The following AK5 variants were observed in gnomAD, a reference collection of about 807,000 sequenced individuals.
The protein encoded by AK5 is adenylate kinase 5.
AK5 carries 27 observed loss-of-function variants against 69.5 expected under a neutral mutation model. The observed-to-expected ratio is 0.39, with a 90% CI of 0.29 to 0.54. AK5 has a LOEUF of 0.54. Ranked by LOEUF, AK5 falls within the 20% of genes least tolerant of loss-of-function variation. The probability of loss-of-function intolerance (pLI) is 0.71; values close to 1 mark genes in which losing one functional copy is unlikely to be tolerated. For synonymous variants in AK5, 260 were observed against 244.4 expected (o/e 1.06, Z -0.60); for missense variants, 531 against 700.4 (o/e 0.76, Z 2.73).
In AK5 at chr1:77,536,035, C is replaced by T; in HGVS notation, c.1617C>T (p.His539=). 6.2e-7 allele frequency: 1 copy of T among 1,606,776 alleles called. No homozygotes were observed. Among genetic ancestry groups the T allele is most frequent in the Non-Finnish European group, 8.5e-7 (1 of 1,177,466 alleles). Residue 539 remains histidine (H), a synonymous_variant, in exon 13 of 14, where the codon CAC becomes CAT. Transcript: ENST00000354567. ...IAYYETKTQL[H]KINAEGTPED... is the part of the protein sequence containing the mutation. ...ACTACGAGACAAAAACACAGCTACA[C>T]AAGGCGAGTCACTTCACTTTCTCCT...
At chr1:77,387,315 A>G (rs1030878850) in intron 6 of AK5, among the ~76,000 whole-genome samples, 22 of 152,234 alleles carry the variant, frequency 1.4e-4, no homozygotes, top group Admixed American at 2.0e-4. Flanking sequence ...GGCAATGGAA[A>G]GGAGGAATAT....
chr1:77,327,648 T>C (rs532067904), intron 5 of AK5, among the ~76,000 whole-genome samples: 4 of 152,346 alleles, frequency 2.6e-5, no homozygotes, highest in African/African-American at 9.6e-5. Flanking sequence ...CCCACAGGTG[T>C]AGAAACAGCT....
At chr1:77,299,067 T>C (rs1278182797) in intron 5 of AK5, among the ~76,000 whole-genome samples, 3 of 152,158 alleles carry the variant, frequency 2.0e-5, no homozygotes, top group Non-Finnish European at 2.9e-5. Context: ...GCATTCTAAA[T>C]TTTTATAATG....
intron 7 of AK5, among the ~76,000 whole-genome samples, chr1:77,411,966 A>G (rs1216000632): frequency 1.3e-5 from 2 of 152,226 alleles, no homozygotes; most frequent in Non-Finnish European, 2.9e-5. Context: ...TATTGCAAGA[A>G]AGATGAAATA....
At chr1:77,540,981 A>T (rs1338703260) in intron 13 of AK5, among the ~76,000 whole-genome samples, 1 of 151,878 alleles carries the variant, frequency 6.6e-6, no homozygotes, top group East Asian at 1.9e-4. Flanking sequence ...ATCTTGGCTC[A>T]CTGCAACCTC....
intron 6 of AK5, among the ~76,000 whole-genome samples, chr1:77,376,656 T>C (rs553836003): frequency 6.6e-6 from 1 of 152,174 alleles, no homozygotes; most frequent in African/African-American, 2.4e-5. Context: ...AATACAGAAG[T>C]CTGGCCAGGC....
intron 11 of AK5, among the ~76,000 whole-genome samples, chr1:77,520,450 C>G (rs1376172584): frequency 6.6e-6 from 1 of 152,230 alleles, no homozygotes; most frequent in Non-Finnish European, 1.5e-5. Context: ...GCCTCCAGCT[C>G]CCTCTCCAGT....
At chr1:77,541,631 G>A (rs1158437050) in intron 13 of AK5, among the ~76,000 whole-genome samples, 1 of 152,202 alleles carries the variant, frequency 6.6e-6, no homozygotes, top group Admixed American at 6.5e-5. Context: ...TATAAGGTTA[G>A]AAGACTCAAG....
In AK5 at chr1:77,486,337, AT is replaced by A. The variant is rs747305712; in HGVS notation, c.1134del (p.Ile379PhefsTer3). ...CATGGAAGATTTGAGAAAGTGTAAA[AT>A]TATTTTCATAATTGGTGAGTAACAG... ...GFMEDLRKCK[I>X]IFIIGGPGSG... On this transcript the variant is annotated frameshift_variant, in exon 10 of 14. Transcript: ENST00000354567. LOFTEE classifies it high-confidence loss of function. 2 of 1,579,936 alleles carry A rather than the reference AT, an allele frequency of 1.3e-6. No homozygotes were observed. Among genetic ancestry groups the A allele is most frequent in the South Asian group, 2.2e-5 (2 of 89,568 alleles).
At chr1:77,291,720 G>A (rs1658698740) in intron 2 of AK5, among the ~76,000 whole-genome samples, 1 of 152,128 alleles carries the variant, frequency 6.6e-6, no homozygotes, top group Non-Finnish European at 1.5e-5. Flanking sequence ...TAGATCCCAG[G>A]GATACAGAGC....
chr1:77,538,294 G>A (rs978716808), intron 13 of AK5, among the ~76,000 whole-genome samples: 6 of 149,588 alleles, frequency 4.0e-5, no homozygotes, highest in Middle Eastern at 3.2e-3. Context: ...TGCCATGATC[G>A]CACCACTGCA....
At chr1:77,344,721 A>C (rs549124698) in intron 6 of AK5, among the ~76,000 whole-genome samples, 50 of 152,190 alleles carry the variant, frequency 3.3e-4, no homozygotes, top group African/African-American at 1.2e-3. Flanking sequence ...CAGTCTCACC[A>C]AGTTGGAACA....
At chr1:77,535,779 C>T in intron 12 of AK5, 68 bp from the exon 13 acceptor site, 1 of 1,465,306 alleles carries the variant, frequency 6.8e-7, no homozygotes, top group Non-Finnish European at 9.2e-7. Flanking sequence ...AACCAGAGGC[C>T]CTGGGCCTTT....
At chr1:77,391,552 T>C (rs1329112767) in intron 6 of AK5, among the ~76,000 whole-genome samples, 1 of 144,766 alleles carries the variant, frequency 6.9e-6, no homozygotes, top group Non-Finnish European at 1.5e-5. Context: ...TGTTGCAGTA[T>C]CTATCCATCC....
chr1:77,282,773 G>A (rs1161038327), intron 1 of AK5: 2 of 1,006,410 alleles, frequency 2.0e-6, no homozygotes, highest in Non-Finnish European at 2.4e-6. Flanking sequence ...GAGGGAGCCA[G>A]AGCCCTAGTC....
chr1:77,407,360 A>C (rs187600490), intron 6 of AK5, among the ~76,000 whole-genome samples: 18 of 152,342 alleles, frequency 1.2e-4, no homozygotes, highest in African/African-American at 3.8e-4. Flanking sequence ...ACATTGATGA[A>C]TCTCAGAATA....
At chr1:77,409,657 T>C (rs939642182) in intron 6 of AK5, among the ~76,000 whole-genome samples, 1 of 152,204 alleles carries the variant, frequency 6.6e-6, no homozygotes, top group African/African-American at 2.4e-5. Context: ...GTCAGATGCA[T>C]AGTTTGCAAA....
chr1:77,514,018 A>G (rs776179574), intron 10 of AK5, among the ~76,000 whole-genome samples: 4 of 152,176 alleles, frequency 2.6e-5, no homozygotes, highest in Admixed American at 6.5e-5. Flanking sequence ...CTTCTGTGGC[A>G]ATGCTGTCGA....
chr1:77,435,584 G>T (rs1008934573), intron 8 of AK5, among the ~76,000 whole-genome samples: 1 of 151,026 alleles, frequency 6.6e-6, no homozygotes, highest in Non-Finnish European at 1.5e-5. Context: ...GAAGGCAGAA[G>T]TTGCAGTGAG....
Sources: allele counts gnomAD v4.1 joint callset (sites outside exome capture counted in the v4.1 genomes callset), GRCh38; gene constraint gnomAD v4.1.1; transcripts MANE v1.5; gene names NCBI Gene and HGNC (gene_info 2026-07-23, HGNC 2026-07-21).